CFDP1: variants seen among roughly 807,000 people sequenced by gnomAD.
The protein encoded by CFDP1 is chromatin remodeling protein CFDP1.
In CFDP1, 31 loss-of-function variants were observed where a neutral mutation model predicts 40.1. That is an observed-to-expected ratio of 0.77 (90% CI 0.58 to 1.04). The LOEUF is 1.04. Among genes scored for constraint, CFDP1 ranks in the 50% least tolerant of loss-of-function variants. CFDP1 has a pLI of 0.00. For missense variants in CFDP1, 423 were observed against 343.4 expected (o/e 1.23, Z -1.83); for synonymous variants, 167 against 120.0 (o/e 1.39, Z -2.56).
intron 5 of CFDP1, among the ~76,000 whole-genome samples, chr16:75,351,991 G>A (rs1410206433): frequency 8.2e-6 from 1 of 121,548 alleles, no homozygotes; most frequent in Non-Finnish European, 1.6e-5. Context: ...CTGGGCGACA[G>A]ACTGAGACTC....
intron 4 of CFDP1, among the ~76,000 whole-genome samples, chr16:75,400,569 TC>T (rs1280700208): frequency 6.6e-6 from 1 of 152,066 alleles, no homozygotes; most frequent in Non-Finnish European, 1.5e-5. Flanking sequence ...AGGCTACTGC[TC>T]TACCCCATCC....
chr16:75,417,390 T>C (rs1048882791), intron 1 of CFDP1, among the ~76,000 whole-genome samples: 1 of 152,180 alleles, frequency 6.6e-6, no homozygotes, highest in Non-Finnish European at 1.5e-5. Flanking sequence ...CCACAGTCAT[T>C]ACAATGCAAT....
At chr16:75,428,418 A>T (rs2079366653) in intron 1 of CFDP1, among the ~76,000 whole-genome samples, 1 of 152,100 alleles carries the variant, frequency 6.6e-6, no homozygotes, top group Non-Finnish European at 1.5e-5. Flanking sequence ...GATCGAGACC[A>T]TCTTGACCAA....
intron 5 of CFDP1, among the ~76,000 whole-genome samples, chr16:75,378,297 ACTATG>A (rs2078819997): frequency 1.3e-5 from 2 of 151,854 alleles, no homozygotes; most frequent in Admixed American, 1.3e-4. Context: ...CTCTGCTTGA[ACTATG>A]GCATGATTAA....
chr16:75,335,165 T>C (rs1444272400), intron 5 of CFDP1, among the ~76,000 whole-genome samples: 1 of 152,190 alleles, frequency 6.6e-6, no homozygotes, highest in Non-Finnish European at 1.5e-5. Flanking sequence ...AGCTCATAAA[T>C]GTGGTAAGTT....
intron 5 of CFDP1, among the ~76,000 whole-genome samples, chr16:75,374,562 G>C (rs1053277418): frequency 6.6e-6 from 1 of 151,142 alleles, no homozygotes; most frequent in South Asian, 2.1e-4. Context: ...CACACCTGTA[G>C]TCCCAGCACT....
chr16:75,423,314 T>C (rs67409275), intron 1 of CFDP1, among the ~76,000 whole-genome samples: 73,744 of 148,414 alleles, frequency 0.5, 19,779 homozygotes, highest in Admixed American at 0.63. Flanking sequence ...ATGGGCATGA[T>C]GGTGTGCATC....
intron 5 of CFDP1, among the ~76,000 whole-genome samples, chr16:75,321,602 T>C (rs2078364043): frequency 1.3e-5 from 2 of 152,194 alleles, no homozygotes; most frequent in Non-Finnish European, 2.9e-5. Context: ...TTTTTCAGTT[T>C]CTGCCTCTAG....
rs11456525 is a variant in CFDP1, at chr16:75,407,654, C to CAA, written c.530+4169_530+4170dup. Among the ~76,000 whole-genome samples the CAA allele has an allele frequency of 5.6e-3, 658 of 116,482 alleles. 6 individuals are homozygous for CAA. The highest frequency in any genetic ancestry group is 9.0e-3 in the African/African-American group (269 of 29,922). 76.4% of individuals were successfully genotyped at this position (116,482 alleles called of 152,430 possible). A position where few individuals can be genotyped will look rare whatever the true frequency, so the allele number is the denominator to read the frequency against. ...TGAATGACAGAGCAAGACCCTGTCTCAAAAAAAAAAAAAAAAAAGAAAAAA... is the reference window on the plus strand; with the variant it reads ...TGAATGACAGAGCAAGACCCTGTCTCAAAAAAAAAAAAAAAAAAAAGAAAAAA... On this transcript the variant is annotated intron_variant, in intron 4 of 6. Transcript: ENST00000283882.
At chr16:75,345,328 A>C (rs1200043220) in intron 5 of CFDP1, among the ~76,000 whole-genome samples, 1 of 151,942 alleles carries the variant, frequency 6.6e-6, no homozygotes, top group Non-Finnish European at 1.5e-5. Flanking sequence ...ATGGTGGTAC[A>C]TGCCTGTAGT....
chr16:75,326,295 G>C (rs759376882), intron 5 of CFDP1, among the ~76,000 whole-genome samples: 4 of 152,150 alleles, frequency 2.6e-5, no homozygotes, highest in Non-Finnish European at 5.9e-5. Flanking sequence ...ACACTACTAC[G>C]TTATGAGCCA....
chr16:75,302,523 T>A (rs112509100), intron 6 of CFDP1, among the ~76,000 whole-genome samples: 1 of 152,218 alleles, frequency 6.6e-6, no homozygotes, highest in East Asian at 1.9e-4. Context: ...AGTGCTGGGA[T>A]TGCAGGAGTG....
chr16:75,423,458 C>G (rs2151598969), intron 1 of CFDP1, among the ~76,000 whole-genome samples: 1 of 152,032 alleles, frequency 6.6e-6, no homozygotes, highest in South Asian at 2.1e-4. Context: ...AGCCCAGTAG[C>G]TGGGACTAAT....
intron 1 of CFDP1, among the ~76,000 whole-genome samples, chr16:75,421,395 T>C (rs982794806): frequency 6.6e-6 from 1 of 152,158 alleles, no homozygotes; most frequent in Non-Finnish European, 1.5e-5. Flanking sequence ...TAAGAAAATT[T>C]TAAATTATAC....
In CFDP1 at chr16:75,433,217, G is replaced by C. The variant is rs868703390; in HGVS notation, c.64+72C>G. 4.9e-5 allele frequency: 71 copies of C among 1,442,090 alleles called. 1 individual carries two copies. In the African/African-American group the frequency reaches 9.4e-4, roughly 19 times the overall value. The allele number at this position is 1,442,090 out of a possible 1,614,324, so 89.3% of individuals were successfully genotyped here. A position where few individuals can be genotyped will look rare whatever the true frequency, so the allele number is the denominator to read the frequency against. ...CCTGGGCCACAGGGCAGACGCCCGC[G>C]GGGGCAGAGCGCGCCTCACGTGAGG... On this transcript the variant is annotated intron_variant, in intron 1 of 6. Coordinates refer to ENST00000283882, the MANE Select transcript of CFDP1 (RefSeq NM_006324.3).
chr16:75,373,555 G>GT (rs1162399261), intron 5 of CFDP1, among the ~76,000 whole-genome samples: 7 of 152,138 alleles, frequency 4.6e-5, no homozygotes, highest in African/African-American at 1.7e-4. Context: ...AACTCACTGT[G>GT]TAACTAATCA....
chr16:75,431,376 C>G (rs1051803432), intron 1 of CFDP1, among the ~76,000 whole-genome samples: 1 of 132,108 alleles, frequency 7.6e-6, no homozygotes, highest in African/African-American at 2.8e-5. Flanking sequence ...ATGGCGTGAA[C>G]CCGGGAGGCA....
At chr16:75,389,051 G>A (rs59800961) in intron 5 of CFDP1, among the ~76,000 whole-genome samples, 31,178 of 152,040 alleles carry the variant, frequency 0.21, 3,415 homozygotes, top group African/African-American at 0.27. Flanking sequence ...TAAACAGTAG[G>A]CCCTTAATTA....
chr16:75,367,588 T>A (rs914130067), intron 5 of CFDP1, among the ~76,000 whole-genome samples: 2 of 150,576 alleles, frequency 1.3e-5, no homozygotes, highest in African/African-American at 2.4e-5. Context: ...AGGATAGGAG[T>A]TCAAGACCAG....
Sources: allele counts gnomAD v4.1 joint callset (sites outside exome capture counted in the v4.1 genomes callset), GRCh38; gene constraint gnomAD v4.1.1; transcripts MANE v1.5; gene names NCBI Gene and HGNC (gene_info 2026-07-23, HGNC 2026-07-21).